The following JAM3 variants were observed in gnomAD, a reference collection of about 807,000 sequenced individuals.
The protein encoded by JAM3 is junctional adhesion molecule 3.
Under a neutral mutation model 39.4 loss-of-function variants are expected in JAM3, and 31 were observed. That is an observed-to-expected ratio of 0.79 (90% confidence interval 0.59 to 1.06). The LOEUF is 1.06. Ranked by LOEUF, JAM3 falls within the 50% of genes least tolerant of loss-of-function variation. The pLI is 0.00. For synonymous variants in JAM3, 182 were observed against 148.7 expected (o/e 1.22, Z -1.63); for missense variants, 455 against 391.4 (o/e 1.16, Z -1.37).
chr11:134,071,072 G>A (rs571083349), intron 1 of JAM3, among the ~76,000 whole-genome samples: 1 of 152,026 alleles, frequency 6.6e-6, no homozygotes, highest in South Asian at 2.1e-4. Flanking sequence ...TGACTACTGT[G>A]TCCTTTTTAT....
chr11:134,109,155 T>G (rs1942261412), intron 1 of JAM3, among the ~76,000 whole-genome samples: 1 of 151,714 alleles, frequency 6.6e-6, no homozygotes, highest in Admixed American at 6.6e-5. Context: ...AGAGAAGGAG[T>G]TTTACCACGT....
intron 1 of JAM3, among the ~76,000 whole-genome samples, chr11:134,107,458 G>A (rs965088067): frequency 2.6e-5 from 4 of 151,996 alleles, no homozygotes; most frequent in African/African-American, 7.3e-5. Context: ...TTGTACAGAT[G>A]TACCCTAGAA....
At chr11:134,085,684 T>C (rs1941736423) in intron 1 of JAM3, among the ~76,000 whole-genome samples, 1 of 152,250 alleles carries the variant, frequency 6.6e-6, no homozygotes, top group Non-Finnish European at 1.5e-5. Flanking sequence ...TTAATGGCAA[T>C]ATGCACTTCC....
At chr11:134,113,557 G>A (rs1942362905) in intron 1 of JAM3, among the ~76,000 whole-genome samples, 1 of 152,174 alleles carries the variant, frequency 6.6e-6, no homozygotes, top group African/African-American at 2.4e-5. Context: ...ATTCCATGGT[G>A]TATATGTGCC....
intron 1 of JAM3, among the ~76,000 whole-genome samples, chr11:134,080,367 G>GCT (rs1448275383): frequency 6.6e-6 from 1 of 152,192 alleles, no homozygotes; most frequent in East Asian, 1.9e-4. Context: ...TCCAAAAAGT[G>GCT]CTTTTATGCA....
Position 134,103,030 on chromosome 11 carries a change from C to T in JAM3, c.76+33871C>T, listed in dbSNP as rs1370476916. Among the ~76,000 whole-genome samples, 3 of 152,132 alleles carry T rather than the reference C, an allele frequency of 2.0e-5. No homozygotes were observed. In the East Asian group the frequency reaches 5.8e-4, roughly 30 times the overall value. ...CAGACAATGCCACAAAGATACTCCT[C>T]GAGAAGAGCAACTCCAAGACACATA... On this transcript the variant is annotated intron_variant, in intron 1 of 8. Coordinates refer to ENST00000299106, the MANE Select transcript of JAM3 (RefSeq NM_032801.5).
chr11:134,137,251 T>C (rs973664812), intron 1 of JAM3, among the ~76,000 whole-genome samples: 1 of 152,254 alleles, frequency 6.6e-6, no homozygotes, highest in African/African-American at 2.4e-5. Flanking sequence ...ACCTTCCAAG[T>C]TTATTATAAA....
chr11:134,077,363 C>CTTTT (rs71038557), intron 1 of JAM3, among the ~76,000 whole-genome samples: 1 of 141,784 alleles, frequency 7.1e-6, no homozygotes, highest in Non-Finnish European at 1.5e-5. Context: ...TCAAGGATGC[C>CTTTT]TTTTTTTTTT....
intron 3 of JAM3, among the ~76,000 whole-genome samples, chr11:134,141,048 C>G (rs1942965169): frequency 1.3e-5 from 2 of 152,148 alleles, no homozygotes; most frequent in South Asian, 4.1e-4. Context: ...TTTGGGGAAT[C>G]AAAGTGAACA....
At chr11:134,125,485 A>G (rs571729062) in intron 1 of JAM3, among the ~76,000 whole-genome samples, 4 of 152,178 alleles carry the variant, frequency 2.6e-5, no homozygotes, top group East Asian at 1.9e-4. Context: ...TTAATATTGT[A>G]TTTCTTCTTA....
At chr11:134,098,664 C>T (rs948554921) in intron 1 of JAM3, among the ~76,000 whole-genome samples, 4 of 152,138 alleles carry the variant, frequency 2.6e-5, no homozygotes, top group African/African-American at 9.7e-5. Flanking sequence ...ACACTGAACT[C>T]ATGAATTAGA....
intron 1 of JAM3, among the ~76,000 whole-genome samples, chr11:134,126,972 A>T (rs866161428): frequency 5.9e-5 from 9 of 152,224 alleles, no homozygotes; most frequent in African/African-American, 2.2e-4. Flanking sequence ...GTCACTTAGC[A>T]TTTGAGAAAT....
intron 1 of JAM3, among the ~76,000 whole-genome samples, chr11:134,094,119 C>T (rs1251301510): frequency 7.0e-6 from 1 of 143,382 alleles, no homozygotes; most frequent in Non-Finnish European, 1.5e-5. Context: ...TTCTCCTGAA[C>T]CCTCCTTATT....
At chr11:134,121,508 G>C (rs1004136033) in intron 1 of JAM3, among the ~76,000 whole-genome samples, 1 of 150,820 alleles carries the variant, frequency 6.6e-6, no homozygotes, top group African/African-American at 2.4e-5. Flanking sequence ...AACATGTTTT[G>C]TTGTTCTTTA....
chr11:134,115,063 T>C (rs373257428), intron 1 of JAM3, among the ~76,000 whole-genome samples: 1 of 152,222 alleles, frequency 6.6e-6, no homozygotes, highest in African/African-American at 2.4e-5. Flanking sequence ...TTATGTTCTT[T>C]TGATGAATTG....
intron 1 of JAM3, among the ~76,000 whole-genome samples, chr11:134,071,402 G>T (rs1197725331): frequency 1.3e-5 from 2 of 152,150 alleles, no homozygotes; most frequent in East Asian, 3.8e-4. Flanking sequence ...ATTTGACGGT[G>T]GAGTTCTTTT....
intron 1 of JAM3, among the ~76,000 whole-genome samples, chr11:134,128,562 G>A (rs1282616986): frequency 2.0e-5 from 3 of 152,154 alleles, no homozygotes; most frequent in Non-Finnish European, 2.9e-5. Flanking sequence ...CTGTTCTCAT[G>A]ATTGTGAGTT....
chr11:134,137,698 T>C (rs1322181652), intron 1 of JAM3, among the ~76,000 whole-genome samples: 1 of 148,152 alleles, frequency 6.7e-6, no homozygotes, highest in East Asian at 2.0e-4. Flanking sequence ...CTGAGAGAAA[T>C]GTTTATGGCC....
chr11:134,128,312 C>A (rs957507558), intron 1 of JAM3, among the ~76,000 whole-genome samples: 1 of 152,202 alleles, frequency 6.6e-6, no homozygotes, highest in Non-Finnish European at 1.5e-5. Context: ...CATCAGAACT[C>A]ACCTCTCTCT....
Sources: allele counts gnomAD v4.1 joint callset (sites outside exome capture counted in the v4.1 genomes callset), GRCh38; gene constraint gnomAD v4.1.1; transcripts MANE v1.5; gene names NCBI Gene and HGNC (gene_info 2026-07-23, HGNC 2026-07-21).